The following NKAIN3 variants were observed in gnomAD, a reference collection of about 807,000 sequenced individuals.
NKAIN3 encodes sodium/potassium-transporting ATPase subunit beta-1-interacting protein 3.
NKAIN3 carries 25 observed loss-of-function variants against 30.2 expected under a neutral mutation model. The observed-to-expected ratio is 0.83, with a 90% CI of 0.60 to 1.16. NKAIN3 has a LOEUF of 1.16. Among genes scored for constraint, NKAIN3 ranks in the 50% most tolerant of loss-of-function variants. The pLI is 0.00. For synonymous variants in NKAIN3, 91 were observed against 89.6 expected, an observed-to-expected ratio of 1.02 and a Z score of -0.09; for missense variants, 225 against 254.1, an observed-to-expected ratio of 0.89 and a Z score of 0.78.
intron 3 of NKAIN3, among the ~76,000 whole-genome samples, chr8:62,607,052 A>C (rs890639970): frequency 3.3e-5 from 5 of 152,214 alleles, no homozygotes; most frequent in African/African-American, 1.2e-4. Context: ...GGGTGATCAC[A>C]TGAATAATTG....
At chr8:62,412,909 C>CAAAAAAAAAA (rs71501599) in intron 1 of NKAIN3, among the ~76,000 whole-genome samples, 5 of 97,924 alleles carry the variant, frequency 5.1e-5, no homozygotes, top group East Asian at 3.9e-4. Flanking sequence ...GAGACTCCGT[C>CAAAAAAAAAA]AAAAAAAAAA....
intron 1 of NKAIN3, among the ~76,000 whole-genome samples, chr8:62,277,399 G>A (rs2129395030): frequency 6.6e-6 from 1 of 152,102 alleles, no homozygotes; most frequent in South Asian, 2.1e-4. Context: ...TAGGTGGACG[G>A]GATTTATTGA....
intron 3 of NKAIN3, among the ~76,000 whole-genome samples, chr8:62,641,981 A>G (rs1327440689): frequency 1.3e-5 from 2 of 152,110 alleles, no homozygotes; most frequent in Non-Finnish European, 2.9e-5. Context: ...ACAAGGTAAC[A>G]TGTTCTGAGA....
chr8:62,570,351 A>G (rs754330309), intron 1 of NKAIN3, among the ~76,000 whole-genome samples: 26 of 152,308 alleles, frequency 1.7e-4, no homozygotes, highest in Admixed American at 6.5e-4. Flanking sequence ...TGCCACATGA[A>G]GCATTATTCA....
chr8:62,855,662 T>C, intron 4 of NKAIN3: 3 of 1,604,242 alleles, frequency 1.9e-6, no homozygotes, highest in Non-Finnish European at 8.5e-7. Context: ...GAAGTGCTGC[T>C]GCAGCCCAGG....
chr8:62,679,353 C>T (rs896870106), intron 3 of NKAIN3, among the ~76,000 whole-genome samples: 2 of 152,078 alleles, frequency 1.3e-5, no homozygotes, highest in Non-Finnish European at 2.9e-5. Context: ...ATCTAGCAGA[C>T]GTGAGAGACA....
intron 6 of NKAIN3, among the ~76,000 whole-genome samples, chr8:62,963,577 A>G (rs1473835189): frequency 6.6e-6 from 1 of 152,212 alleles, no homozygotes; most frequent in East Asian, 1.9e-4. Context: ...CATGTATTGG[A>G]TGGATAAATA....
intron 1 of NKAIN3, among the ~76,000 whole-genome samples, chr8:62,568,211 CA>C (rs1162666832): frequency 6.6e-6 from 1 of 152,162 alleles, no homozygotes; most frequent in Admixed American, 6.6e-5. Context: ...ACTCATTAAA[CA>C]GTATGCATTT....
rs1185529406 is a variant in NKAIN3 at position 62,977,161 on chromosome 8, T to C, written c.*11754T>C. 6.6e-6 allele frequency among the ~76,000 whole-genome samples: 1 copy of C among 152,200 alleles called. No homozygotes were observed. The highest frequency in any genetic ancestry group is 1.5e-5 in the Non-Finnish European group (1 of 68,024). On this transcript the variant is annotated 3_prime_UTR_variant, in exon 7 of 7. Coordinates refer to ENST00000623646, the MANE Select transcript of NKAIN3 (RefSeq NM_001304533.3). ...TTGGTGAATCTGACGATTATGTGTC[T>C]TGGGGTTGCTCTTCTCAAAGAGTAT...
chr8:62,538,414 A>G (rs867775181), intron 1 of NKAIN3, among the ~76,000 whole-genome samples: 2 of 152,122 alleles, frequency 1.3e-5, no homozygotes, highest in African/African-American at 4.8e-5. Flanking sequence ...AGCTCAAGCA[A>G]TTCCCCCACC....
chr8:62,591,008 G>T (rs1282642292), intron 3 of NKAIN3, among the ~76,000 whole-genome samples: 1 of 151,816 alleles, frequency 6.6e-6, no homozygotes. Context: ...TTAATGTCTA[G>T]TTATATTCTA....
chr8:62,888,901 C>T (rs754331999), intron 4 of NKAIN3, among the ~76,000 whole-genome samples: 5 of 152,100 alleles, frequency 3.3e-5, no homozygotes, highest in Non-Finnish European at 4.4e-5. Flanking sequence ...ATTCAACAAA[C>T]AGGTTTTTAA....
chr8:62,326,074 ATATT>A (rs1389799005), intron 1 of NKAIN3, among the ~76,000 whole-genome samples: 1 of 151,860 alleles, frequency 6.6e-6, no homozygotes, highest in Non-Finnish European at 1.5e-5. Flanking sequence ...TAATTTTGCT[ATATT>A]TATTTTTGTT....
intron 5 of NKAIN3, chr8:62,990,931 G>A (rs1304057549): frequency 6.6e-6 from 1 of 152,212 alleles, no homozygotes; most frequent in Non-Finnish European, 1.5e-5. Context: ...GGAAAAGGAT[G>A]TGAGATCATG....
At chr8:62,877,714 A>C (rs566513598) in intron 4 of NKAIN3, among the ~76,000 whole-genome samples, 4 of 152,186 alleles carry the variant, frequency 2.6e-5, no homozygotes, top group Non-Finnish European at 4.4e-5. Flanking sequence ...GCTTATTTTC[A>C]TATGAATTGA....
At chr8:62,704,502 CTCAAACGTCTAACAAT>C (rs1185406361) in intron 3 of NKAIN3, among the ~76,000 whole-genome samples, 2 of 152,122 alleles carry the variant, frequency 1.3e-5, no homozygotes, top group Non-Finnish European at 2.9e-5. Context: ...TGTGGCTTTA[CTCAAACGTCTAACAAT>C]TCTTAGTTGT....
At chr8:62,903,802 C>A (rs181897931) in intron 4 of NKAIN3, among the ~76,000 whole-genome samples, 4 of 152,076 alleles carry the variant, frequency 2.6e-5, no homozygotes, top group African/African-American at 9.7e-5. Context: ...CAGAAGGCAC[C>A]TTTTCACAGG....
At chr8:62,279,915 T>G (rs1324409156) in intron 1 of NKAIN3, among the ~76,000 whole-genome samples, 1 of 152,166 alleles carries the variant, frequency 6.6e-6, no homozygotes. Context: ...GTGAAGAAAG[T>G]CATTGGTAGC....
At chr8:62,994,784 C>T (rs1804067949) in intron 5 of NKAIN3, among the ~76,000 whole-genome samples, 2 of 152,248 alleles carry the variant, frequency 1.3e-5, no homozygotes, top group South Asian at 2.1e-4. Context: ...TTAGGAAAAT[C>T]TAGGTTTTCC....
Sources: allele counts gnomAD v4.1 joint callset (sites outside exome capture counted in the v4.1 genomes callset), GRCh38; gene constraint gnomAD v4.1.1; transcripts MANE v1.5; gene names NCBI Gene and HGNC (gene_info 2026-07-23, HGNC 2026-07-21).